ZNF723: variants seen among roughly 807,000 people sequenced by gnomAD.
ZNF723 encodes zinc finger protein 723, pseudogene.
In ZNF723, 5 loss-of-function variants were observed where a neutral mutation model predicts 9.4. The ratio of observed to expected loss-of-function variants is 0.53; its 90% CI spans 0.28 to 1.12. ZNF723 has a LOEUF of 1.12. Among genes scored for constraint, ZNF723 ranks in the 50% most tolerant of loss-of-function variants. The probability of loss-of-function intolerance (pLI) is 0.10; values close to 1 mark genes in which losing one functional copy is unlikely to be tolerated. For missense variants in ZNF723, 450 were observed against 501.5 expected, an observed-to-expected ratio of 0.90 and a Z score of 0.98; for synonymous variants, 158 against 168.8, an observed-to-expected ratio of 0.94 and a Z score of 0.49.
At chr19:22,836,308 A>G (rs769957581) in intron 1 of ZNF723, among the ~76,000 whole-genome samples, 3 of 152,134 alleles carry the variant, frequency 2.0e-5, no homozygotes, top group Non-Finnish European at 2.9e-5. Flanking sequence ...AAAGGATCTC[A>G]CTGAAGATAA....
Position 22,833,944 on chromosome 19 carries a change from TTTTTC to T in ZNF723, c.3+1563_3+1567del, listed in dbSNP as rs539682078. On this transcript the variant is annotated intron_variant, in intron 1 of 3. Transcript: ENST00000600766. ...TAGCGTACTTTTTTTTTTTTTTTTT[TTTTTC>T]CGAGTCTCCTTCTGTTGCTCAGGCT... is the stretch of plus-strand genomic sequence containing the variant. Among the ~76,000 whole-genome samples the T allele has an allele frequency of 1.6e-3, 225 of 143,100 alleles. 4 individuals are homozygous for T. Among genetic ancestry groups the T allele is most frequent in the African/African-American group, 6.1e-3 (222 of 36,280 alleles). 93.9% of individuals were successfully genotyped at this position (143,100 alleles called of 152,430 possible).
chr19:22,852,891 C>T (rs1334564565), intron 3 of ZNF723, among the ~76,000 whole-genome samples: 2 of 152,042 alleles, frequency 1.3e-5, no homozygotes, highest in Non-Finnish European at 2.9e-5. Context: ...ATATCTCATT[C>T]TATCTCTGAC....
At position 22,858,490 on chromosome 19, in the gene ZNF723, A is replaced by G; in HGVS notation, c.*57A>G. 1 of 615,872 alleles carries G rather than the reference A, an allele frequency of 1.6e-6. No homozygotes were observed. The highest frequency in any genetic ancestry group is 2.8e-6 in the Non-Finnish European group (1 of 354,638). The allele number at this position is 615,872 out of a possible 1,614,324, so 38.2% of individuals were successfully genotyped here. On this transcript the variant is annotated 3_prime_UTR_variant, in exon 4 of 4. Coordinates refer to ENST00000600766, the MANE Select transcript of ZNF723 (RefSeq NM_001349726.2). ...AAACATAAAAGAAATGCTGGTGGCC[A>G]GGCACAGTAGCTTACGCCTGTAATC...
the ZNF723 span, among the ~76,000 whole-genome samples, chr19:22,826,286 G>A: frequency 6.6e-6 from 1 of 151,620 alleles, no homozygotes; most frequent in Non-Finnish European, 1.5e-5. Flanking sequence ...GCTCCCAGGT[G>A]GAATTGTGAC....
the ZNF723 span, among the ~76,000 whole-genome samples, chr19:22,823,060 T>C: frequency 6.6e-6 from 1 of 152,266 alleles, no homozygotes; most frequent in South Asian, 2.1e-4. Flanking sequence ...CTCACAGGCA[T>C]AGTGAGAACT....
At chr19:22,850,792 T>G (rs34242864) in intron 3 of ZNF723, among the ~76,000 whole-genome samples, 2,989 of 152,284 alleles carry the variant, frequency 0.02, 45 homozygotes, top group East Asian at 0.075. Flanking sequence ...GCCTTAATTT[T>G]TGTTTAATTT....
At chr19:22,840,075 T>C (rs539080331) in intron 1 of ZNF723, among the ~76,000 whole-genome samples, 42 of 152,360 alleles carry the variant, frequency 2.8e-4, no homozygotes, top group African/African-American at 8.4e-4. Context: ...GTTGTCTGTT[T>C]ACTCTGTTGA....
chr19:22,818,911 A>G, the ZNF723 span, among the ~76,000 whole-genome samples: 1 of 152,092 alleles, frequency 6.6e-6, no homozygotes, highest in Non-Finnish European at 1.5e-5. Flanking sequence ...CATGTAACCC[A>G]CTTGCCTGGG....
chr19:22,823,197 G>A, the ZNF723 span, among the ~76,000 whole-genome samples: 2,007 of 152,238 alleles, frequency 0.013, 40 homozygotes, highest in African/African-American at 0.046. Flanking sequence ...CAGGCATACC[G>A]TATAAAGCCC....
At chr19:22,835,328 C>T (rs2145206350) in intron 1 of ZNF723, among the ~76,000 whole-genome samples, 1 of 147,652 alleles carries the variant, frequency 6.8e-6, no homozygotes, top group East Asian at 1.9e-4. Flanking sequence ...AGGCGTGAGC[C>T]ACCACGCCTG....
At chr19:22,850,346 A>G (rs1329180888) in intron 3 of ZNF723, among the ~76,000 whole-genome samples, 1 of 151,634 alleles carries the variant, frequency 6.6e-6, no homozygotes, top group East Asian at 1.9e-4. Flanking sequence ...AGCTGGGATT[A>G]CAGGCACGTG....
the ZNF723 span, among the ~76,000 whole-genome samples, chr19:22,820,761 C>G: frequency 1.6e-4 from 25 of 152,260 alleles, no homozygotes; most frequent in Admixed American, 2.6e-4. Flanking sequence ...ACGGCACACA[C>G]GTGATACGGT....
chr19:22,835,776 CAG>C (rs1967157732), intron 1 of ZNF723, among the ~76,000 whole-genome samples: 1 of 152,110 alleles, frequency 6.6e-6, no homozygotes, highest in South Asian at 2.1e-4. Context: ...AAATTTCTGA[CAG>C]TGAATATTTT....
At chr19:22,812,523 C>T in the ZNF723 span, among the ~76,000 whole-genome samples, 1 of 152,090 alleles carries the variant, frequency 6.6e-6, no homozygotes, top group African/African-American at 2.4e-5. Context: ...GAGCTTAGTT[C>T]CACAGGTACA....
chr19:22,834,956 C>A (rs1967146548), intron 1 of ZNF723, among the ~76,000 whole-genome samples: 1 of 151,958 alleles, frequency 6.6e-6, no homozygotes, highest in Non-Finnish European at 1.5e-5. Context: ...CAGAGGGGGT[C>A]ATTGAGCATT....
At chr19:22,853,788 A>G (rs1055414240) in intron 3 of ZNF723, among the ~76,000 whole-genome samples, 1 of 151,950 alleles carries the variant, frequency 6.6e-6, no homozygotes, top group Non-Finnish European at 1.5e-5. Context: ...TAATTTTTGT[A>G]TTTTTAGTAG....
chr19:22,832,994 TA>T (rs1244321031), intron 1 of ZNF723, among the ~76,000 whole-genome samples: 3 of 152,310 alleles, frequency 2.0e-5, no homozygotes, highest in African/African-American at 7.2e-5. Flanking sequence ...AATCAGAGCT[TA>T]ATTAGCTGTT....
Position 22,848,406 on chromosome 19 carries a change from C to T in ZNF723, c.130+19C>T. 7.4e-7 allele frequency: 1 copy of T among 1,344,336 alleles called. No individual in the cohort carries two copies. The highest frequency in any genetic ancestry group is 1.0e-6 in the Non-Finnish European group (1 of 953,480). The allele number at this position is 1,344,336 out of a possible 1,614,324, so 83.3% of individuals were successfully genotyped here. Reference sequence around the variant, plus strand: ...TTCCTGGGTGAGAATAACTTCAATACACAATCCTCAGATACTGTAAATGTT... The same window carrying T: ...TTCCTGGGTGAGAATAACTTCAATATACAATCCTCAGATACTGTAAATGTT... On this transcript the variant is annotated intron_variant, in intron 2 of 3. Coordinates refer to ENST00000600766, the MANE Select transcript of ZNF723 (RefSeq NM_001349726.2).
upstream of ZNF723, among the ~76,000 whole-genome samples, chr19:22,827,614 AT>A (rs1967051515): frequency 6.6e-6 from 1 of 151,908 alleles, no homozygotes; most frequent in Non-Finnish European, 1.5e-5. Context: ...CACATGGTTA[AT>A]TTTTAGTATT....
Sources: gnomAD v4.1 joint callset for allele counts (sites outside exome capture counted in the v4.1 genomes callset) on GRCh38, gnomAD v4.1.1 for gene constraint, MANE v1.5 for transcripts, NCBI Gene and HGNC (gene_info 2026-07-23, HGNC 2026-07-21) for gene names.